Variants in NTF3 observed in about 807,000 individuals in gnomAD.
The protein encoded by NTF3 is neurotrophin-3.
Under a neutral mutation model 26.3 loss-of-function variants are expected in NTF3, and 8 were observed. The ratio of observed to expected loss-of-function variants is 0.30; its 90% CI spans 0.18 to 0.55. NTF3 has a LOEUF of 0.55. Ranked by LOEUF, NTF3 falls within the 20% of genes least tolerant of loss-of-function variation. The pLI, the probability that NTF3 is intolerant of heterozygous loss-of-function variation, is 0.93. For missense variants in NTF3, 276 were observed against 352.9 expected, an observed-to-expected ratio of 0.78 and a Z score of 1.75; for synonymous variants, 154 against 145.5, an observed-to-expected ratio of 1.06 and a Z score of -0.42.
intron 1 of NTF3, among the ~76,000 whole-genome samples, chr12:5,489,975 T>C (rs575104610): frequency 1.1e-4 from 16 of 152,202 alleles, no homozygotes; most frequent in African/African-American, 3.1e-4. Context: ...AAACACCATA[T>C]GTGGGAAAGC....
chr12:5,443,132 C>T (rs180723544), intron 1 of NTF3, among the ~76,000 whole-genome samples: 14 of 152,242 alleles, frequency 9.2e-5, no homozygotes, highest in African/African-American at 3.1e-4. Flanking sequence ...GTGGGACAGG[C>T]TATGAACTGG....
At position 5,494,399 on chromosome 12, in the gene NTF3, C is replaced by A; in HGVS notation, c.224C>A (p.Thr75Asn). 1 of 1,613,870 alleles carries A rather than the reference C, an allele frequency of 6.2e-7. No individual in the cohort carries two copies. The highest frequency in any genetic ancestry group is 1.1e-5 in the South Asian group (1 of 91,068). ...GACGTTAAGGAAAATTACCAGAGCA[C>A]CCTGCCCAAAGCTGAGGCTCCCCGA... ...MVDVKENYQS[T>N]LPKAEAPREP... is the part of the protein sequence containing the mutation. The change falls in exon 2 of 2, where the codon ACC becomes AAC. Residue 75 changes from threonine to asparagine, a missense_variant. By Grantham distance (65) the Thr-to-Asn change is moderately conservative. Transcript: ENST00000423158. The surrounding 1 kb of genome is among the most constrained non-coding windows in gnomAD (Gnocchi z 8.3).
Position 5,481,754 on chromosome 12 carries a change from A to T in NTF3, c.19-12440A>T, listed in dbSNP as rs551659379. On this transcript the variant is annotated intron_variant, in intron 1 of 1. Transcript: ENST00000423158. ...ACACACAGAATAACACCACACACATATGCACACCATACAGAGACACACTCA... is the reference window on the plus strand; with the variant it reads ...ACACACAGAATAACACCACACACATTTGCACACCATACAGAGACACACTCA... 3.2e-3 allele frequency among the ~76,000 whole-genome samples: 468 copies of T among 147,264 alleles called. 3 individuals are homozygous for T. The highest frequency in any genetic ancestry group is 0.011 in the African/African-American group (445 of 40,166).
chr12:5,454,329 T>C (rs1223500594), intron 1 of NTF3, among the ~76,000 whole-genome samples: 1 of 152,244 alleles, frequency 6.6e-6, no homozygotes, highest in African/African-American at 2.4e-5. Flanking sequence ...ATGTCCCTTT[T>C]TATAAGGATG....
intron 1 of NTF3, among the ~76,000 whole-genome samples, chr12:5,486,520 T>C (rs1169270559): frequency 6.6e-6 from 1 of 152,216 alleles, no homozygotes; most frequent in Admixed American, 6.5e-5. Context: ...TACCTTGTAA[T>C]GGTATCACTT....
intron 1 of NTF3, among the ~76,000 whole-genome samples, chr12:5,463,234 G>T (rs190385528): frequency 2.6e-5 from 4 of 152,292 alleles, no homozygotes; most frequent in Non-Finnish European, 5.9e-5. Context: ...TACATCCTGA[G>T]ATACTAGTGA....
chr12:5,453,701 C>T (rs56086311), intron 1 of NTF3, among the ~76,000 whole-genome samples: 17,001 of 152,196 alleles, frequency 0.11, 1,115 homozygotes, highest in Non-Finnish European at 0.14. Context: ...CCCACTTGTT[C>T]GGGATCTTTT....
intron 1 of NTF3, among the ~76,000 whole-genome samples, chr12:5,462,671 G>A (rs1326433664): frequency 6.6e-6 from 1 of 152,186 alleles, no homozygotes; most frequent in African/African-American, 2.4e-5. Flanking sequence ...ATGGAGAACA[G>A]CTGGACCCTC....
At chr12:5,468,858 C>T (rs1047479848) in intron 1 of NTF3, among the ~76,000 whole-genome samples, 2 of 152,216 alleles carry the variant, frequency 1.3e-5, no homozygotes, top group African/African-American at 4.8e-5. Context: ...TGGTGGCTCA[C>T]ACCTGTAGTC....
In NTF3 at chr12:5,495,071, T is replaced by C; in HGVS notation, c.*83T>C. 7.2e-7 allele frequency: 1 copy of C among 1,385,730 alleles called. No homozygotes were observed. Among genetic ancestry groups the C allele is most frequent in the Middle Eastern group, 2.0e-4 (1 of 4,988 alleles). The allele number at this position is 1,385,730 out of a possible 1,614,324, so 85.8% of individuals were successfully genotyped here. On this transcript the variant is annotated 3_prime_UTR_variant, in exon 2 of 2. Transcript: ENST00000423158. The stretch of plus-strand genomic sequence containing the variant: ...CATATAAATGTTTATATTGTTTTTA[T>C]ATATTATAAGTTGACCTTTATTTAT...
chr12:5,481,537 C>A (rs1940797870), intron 1 of NTF3, among the ~76,000 whole-genome samples: 1 of 11,746 alleles, frequency 8.5e-5, no homozygotes. Context: ...CAGACACATT[C>A]ACAGAATACA....
upstream of NTF3, among the ~76,000 whole-genome samples, chr12:5,430,359 C>G (rs941553383): frequency 5.3e-5 from 8 of 152,104 alleles, no homozygotes; most frequent in East Asian, 1.6e-3. Flanking sequence ...TGCTGTGTGG[C>G]TGGGTGGAGG....
chr12:5,432,163 G>A lies in NTF3; in HGVS notation c.-162G>A, dbSNP rs904052665. On this transcript the variant is annotated 5_prime_UTR_variant, in exon 1 of 2. Transcript: ENST00000423158. ...ACAGCTCCGCGCACCGCCCCGCGAC[G>A]CAGCCCGGCGCAACTACTTTCTTCT... The A allele has an allele frequency of 1.9e-5, 15 of 802,322 alleles. No individual in the cohort carries two copies. Among genetic ancestry groups the A allele is most frequent in the South Asian group, 1.8e-4 (12 of 68,324 alleles). 49.7% of individuals were successfully genotyped at this position (802,322 alleles called of 1,614,324 possible).
chr12:5,493,676 T>C (rs1395552687), intron 1 of NTF3, among the ~76,000 whole-genome samples: 1 of 152,092 alleles, frequency 6.6e-6, no homozygotes, highest in East Asian at 1.9e-4. Context: ...CATCTGACAC[T>C]GCAATATGGG....
intron 1 of NTF3, among the ~76,000 whole-genome samples, chr12:5,471,559 T>C (rs1030892448): frequency 6.6e-6 from 1 of 151,952 alleles, no homozygotes; most frequent in Non-Finnish European, 1.5e-5. Flanking sequence ...GTGCTGGCTG[T>C]TTATTGCAGG....
In NTF3 at chr12:5,475,854, AAGAGAG is replaced by A. The variant is rs71064158; in HGVS notation, c.19-18322_19-18317del. On this transcript the variant is annotated intron_variant, in intron 1 of 1. Coordinates refer to ENST00000423158, the MANE Select transcript of NTF3 (RefSeq NM_001102654.2). Reference sequence around the variant, plus strand: ...CTGCCTCAAAAAAGAAAAAAGAAGAAAGAGAGAGAGAGAGAGAGAGAGAAGGAAAGA... The same window carrying A: ...CTGCCTCAAAAAAGAAAAAAGAAGAAAGAGAGAGAGAGAGAGAAGGAAAGA... Among the ~76,000 whole-genome samples the A allele has an allele frequency of 5.0e-4, 73 of 146,790 alleles. 2 individuals are homozygous for A. The South Asian group carries it at 6.8e-3, about 14-fold the overall frequency.
chr12:5,478,050 A>C (rs138261982), intron 1 of NTF3, among the ~76,000 whole-genome samples: 96 of 152,348 alleles, frequency 6.3e-4, no homozygotes, highest in African/African-American at 2.3e-3. Flanking sequence ...GTTGCTGTAC[A>C]TTTAAAGGTT....
At chr12:5,434,989 C>G (rs1427223617) in intron 1 of NTF3, among the ~76,000 whole-genome samples, 1 of 151,968 alleles carries the variant, frequency 6.6e-6, no homozygotes, top group Non-Finnish European at 1.5e-5. Context: ...GGGAAGGACA[C>G]CGGGTTGGTG....
intron 1 of NTF3, among the ~76,000 whole-genome samples, chr12:5,438,472 A>C (rs190691498): frequency 6.6e-6 from 1 of 152,314 alleles, no homozygotes; most frequent in Admixed American, 6.5e-5. Context: ...ATTGAAACAG[A>C]ACAGATTTTG....
Sources: allele counts gnomAD v4.1 joint callset (sites outside exome capture counted in the v4.1 genomes callset), GRCh38; gene constraint gnomAD v4.1.1; non-coding constraint Gnocchi (gnomAD v3.1); transcripts MANE v1.5; gene names NCBI Gene and HGNC (gene_info 2026-07-23, HGNC 2026-07-21).